Variants in UBC observed in about 807,000 individuals in gnomAD.
UBC encodes ubiquitin C.
UBC carries 8 observed loss-of-function variants against 34.7 expected under a neutral mutation model. The ratio of observed to expected loss-of-function variants is 0.23; its 90% confidence interval spans 0.14 to 0.42. UBC has a LOEUF of 0.42. Among genes scored for constraint, UBC ranks in the 10% least tolerant of loss-of-function variants. The probability of loss-of-function intolerance (pLI) is 1.00; values close to 1 mark genes in which losing one functional copy is unlikely to be tolerated. For synonymous variants in UBC, 367 were observed against 299.8 expected, an observed-to-expected ratio of 1.22 and a Z score of -2.32; for missense variants, 323 against 750.3, an observed-to-expected ratio of 0.43 and a Z score of 6.65.
chr12:124,913,935 C>T, intron 1 of UBC, 161 bp from the exon 2 acceptor site: 1 of 1,126,596 alleles, frequency 8.9e-7, no homozygotes, highest in Non-Finnish European at 1.2e-6. Flanking sequence ...ACCGGAGCTT[C>T]AGCTACTTAA....
rs563873507 is a variant in UBC at position 124,914,007 on chromosome 12, G to A, written c.-3-233C>T. 7.6e-5 allele frequency: 48 copies of A among 629,944 alleles called. 1 individual carries two copies. The Middle Eastern group carries it at 1.3e-3, about 18-fold the overall frequency. The allele number at this position is 629,944 out of a possible 1,614,324, so 39.0% of individuals were successfully genotyped here. ...GCCTCACTTATCCCTCCCCTCACCAGAGGTCCGGCGCCTGTCGATTCAGGA... is the reference window on the plus strand; with the variant it reads ...GCCTCACTTATCCCTCCCCTCACCAAAGGTCCGGCGCCTGTCGATTCAGGA... On this transcript the variant is annotated intron_variant, in intron 1 of 1. Transcript: ENST00000339647.
At chr12:124,913,883 C>T in intron 1 of UBC, 109 bp from the exon 2 acceptor site, 3 of 1,517,520 alleles carry the variant, frequency 2.0e-6, no homozygotes, top group Non-Finnish European at 2.7e-6. Context: ...GCCTAAAAAA[C>T]TTCACAAAAC....
rs747596739 is a variant in UBC, at chr12:124,911,674, A to G, written c.*40T>C. The G allele has an allele frequency of 2.0e-5, 31 of 1,578,652 alleles. No individual in the cohort carries two copies. The highest frequency in any genetic ancestry group is 5.3e-5 in the Admixed American group (3 of 57,054). Reference sequence around the variant, plus strand: ...GGAATGCAACAACTTTATTGAAAGGAAAGTGCAATGAAATTTGTTGAAACC... The same window carrying G: ...GGAATGCAACAACTTTATTGAAAGGGAAGTGCAATGAAATTTGTTGAAACC... On this transcript the variant is annotated 3_prime_UTR_variant, in exon 2 of 2. Coordinates refer to ENST00000339647, the MANE Select transcript of UBC (RefSeq NM_021009.7).
At chr12:124,914,103 G>C (rs751094992) in intron 1 of UBC, 1 of 361,950 alleles carries the variant, frequency 2.8e-6, no homozygotes, top group Non-Finnish European at 5.1e-6. Context: ...CCGGCAGGTG[G>C]CCCCACCCTG....
intron 1 of UBC, 21 bp from the exon 2 acceptor site, chr12:124,913,795 G>A (rs767511620): frequency 4.3e-6 from 7 of 1,612,626 alleles, no homozygotes; most frequent in Admixed American, 3.3e-5. Context: ...AGCCAAAAAC[G>A]GCCAGAATTT....
rs999603953 is a variant in UBC at position 124,913,517 on chromosome 12, A to T, written c.255T>A (p.Thr85=). ...CGACCTCAAGGGTGATGGTCTTGCC[A>T]GTGAGTGTCTTCACGAAGATTTGCA... is the stretch of plus-strand genomic sequence containing the variant. ...GGMQIFVKTL[T]GKTITLEVEP... The change falls in exon 2 of 2, where the codon ACT becomes ACA. Residue 85 remains threonine (T), a synonymous_variant. Coordinates refer to ENST00000339647, the MANE Select transcript of UBC (RefSeq NM_021009.7). 2 of 1,610,706 alleles carry T rather than the reference A, an allele frequency of 1.2e-6. No individual in the cohort carries two copies. Among genetic ancestry groups the T allele is most frequent in the African/African-American group, 2.7e-5 (2 of 74,242 alleles).
rs377686818 is a variant in UBC at position 124,913,286 on chromosome 12, A to G, written c.486T>C (p.Gly162=). Residue 162 remains glycine, a synonymous_variant, in exon 2 of 2, where the codon GGT becomes GGC. Coordinates refer to ENST00000339647, the MANE Select transcript of UBC (RefSeq NM_021009.7). Reference sequence around the variant, plus strand: ...GCTCCACCTCGAGGGTGATGGTCTTACCAGTCAGGGTCTTCACGAAGATCT... The same window carrying G: ...GCTCCACCTCGAGGGTGATGGTCTTGCCAGTCAGGGTCTTCACGAAGATCT... ...GMQIFVKTLT[G]KTITLEVEPS... The G allele has an allele frequency of 1.2e-4, 185 of 1,567,938 alleles. No individual in the cohort carries two copies. The highest frequency in any genetic ancestry group is 8.1e-4 in the African/African-American group (50 of 62,096).
chr12:124,913,573 G>C lies in UBC; in HGVS notation c.199C>G (p.Leu67Val), dbSNP rs758146234. The change falls in exon 2 of 2, where the codon CTG (leucine) becomes GTG (valine). Residue 67 changes from leucine (L) to valine (V), a missense_variant. By Grantham distance (32) the Leu-to-Val change is conservative. Around this residue, in one of 5 missense-constraint regions of UBC, gnomAD observed 202 missense variants for 361.9 expected, o/e 0.56. Coordinates refer to ENST00000339647, the MANE Select transcript of UBC (RefSeq NM_021009.7). ...CCTCTGAGACGGAGCACCAGGTGCA[G>C]GGTGGACTCTTTCTGGATGTTGTAG... Reference protein sequence around the residue: ...SDYNIQKESTLHLVLRLRGGM... With the variant: ...SDYNIQKESTVHLVLRLRGGM... 3.1e-6 allele frequency: 5 copies of C among 1,608,774 alleles called. No homozygotes were observed. The highest frequency in any genetic ancestry group is 4.5e-5 in the East Asian group (2 of 44,646).
In UBC at chr12:124,913,928, G is replaced by T. The variant is rs976082649; in HGVS notation, c.-3-154C>A. Reference sequence around the variant, plus strand: ...AACCCCGAGCGCATAGTTCAAAACCGGAGCTTCAGCTACTTAAGAAGATAG... The same window carrying T: ...AACCCCGAGCGCATAGTTCAAAACCTGAGCTTCAGCTACTTAAGAAGATAG... On this transcript the variant is annotated intron_variant, in intron 1 of 1. Coordinates refer to ENST00000339647, the MANE Select transcript of UBC (RefSeq NM_021009.7). 8 of 1,204,220 alleles carry T rather than the reference G, an allele frequency of 6.6e-6. No homozygotes were observed. In the Admixed American group the frequency reaches 2.2e-4, roughly 33 times the overall value. The allele number at this position is 1,204,220 out of a possible 1,614,324, so 74.6% of individuals were successfully genotyped here.
chr12:124,914,068 CG>C, intron 1 of UBC: 1 of 439,946 alleles, frequency 2.3e-6, no homozygotes, highest in Non-Finnish European at 4.1e-6. Flanking sequence ...CGTCCTGCGA[CG>C]GAGAAAAGCC....
At chr12:124,913,829 A>C in intron 1 of UBC, 55 bp from the exon 2 acceptor site, 2 of 1,592,114 alleles carry the variant, frequency 1.3e-6, no homozygotes, top group Non-Finnish European at 1.7e-6. Flanking sequence ...CTAGTCTAAC[A>C]CTGAAAATTA....
In UBC at chr12:124,913,382, G is replaced by A. The variant is rs1071758; in HGVS notation, c.390C>T (p.Arg130=). The A allele has an allele frequency of 2.6e-5, 41 of 1,597,766 alleles. No individual in the cohort carries two copies. The African/African-American group carries it at 3.4e-4, about 13-fold the overall frequency. The change falls in exon 2 of 2, where the codon CGC becomes CGT. Residue 130 remains arginine, a synonymous_variant. Transcript: ENST00000339647. ...IFAGKQLEDG[R]TLSDYNIQKE... Reference sequence around the variant, plus strand: ...TCTGGATGTTGTAGTCAGACAGGGTGCGCCCATCTTCCAGCTGCTTTCCGG... The same window carrying A: ...TCTGGATGTTGTAGTCAGACAGGGTACGCCCATCTTCCAGCTGCTTTCCGG...
rs974760343 is a variant in UBC, at chr12:124,912,608, C to G, written c.1164G>C (p.Leu388=). 5.0e-6 allele frequency: 8 copies of G among 1,605,934 alleles called. No homozygotes were observed. The highest frequency in any genetic ancestry group is 1.7e-5 in the Admixed American group (1 of 59,166). ...RGGMQIFVKT[L]TGKTITLEVE... The stretch of plus-strand genomic sequence containing the variant: ...CCTCGAGAGTGATGGTCTTACCAGT[C>G]AGGGTCTTCACGAAGATCTGCATCC... Residue 388 remains leucine, a synonymous_variant, in exon 2 of 2, where the codon CTG becomes CTC. Coordinates refer to ENST00000339647, the MANE Select transcript of UBC (RefSeq NM_021009.7).
rs145732562 is a variant in UBC at position 124,914,266 on chromosome 12, G to A, written c.-4+321C>T. The A allele has an allele frequency of 1.3e-3, 241 of 185,350 alleles. 1 individual carries two copies. The highest frequency in any genetic ancestry group is 5.2e-3 in the African/African-American group (216 of 41,928). The allele number at this position is 185,350 out of a possible 1,614,324, so 11.5% of individuals were successfully genotyped here. ...CCAGTCAGTGACAAACTTCACGTCA[G>A]GGTCCCCAGATGGTGCCCCAGCCCA... On this transcript the variant is annotated intron_variant, in intron 1 of 1. Coordinates refer to ENST00000339647, the MANE Select transcript of UBC (RefSeq NM_021009.7).
rs543550918 is a variant in UBC, at chr12:124,912,976, G to A, written c.796C>T (p.Pro266Ser). 2 of 1,611,662 alleles carry A rather than the reference G, an allele frequency of 1.2e-6. No individual in the cohort carries two copies. Among genetic ancestry groups the A allele is most frequent in the East Asian group, 2.2e-5 (1 of 44,552 alleles). Residue 266 changes from proline (P) to serine (S), a missense_variant, in exon 2 of 2, where the codon CCT (proline) becomes TCT (serine). Transcript: ENST00000339647. ...GCAAAGATCAACCTCTGCTGGTCAG[G>A]AGGAATGCCTTCCTTGTCTTGGATC... is the stretch of plus-strand genomic sequence containing the variant. Reference protein sequence around the residue: ...AKIQDKEGIPPDQQRLIFAGK... With the variant: ...AKIQDKEGIPSDQQRLIFAGK...
chr12:124,912,839 G>A lies in UBC; in HGVS notation c.933C>T (p.Thr311=), dbSNP rs146820362. 1.5e-3 allele frequency: 2,481 copies of A among 1,605,850 alleles called. 30 individuals are homozygous for A. In the African/African-American group the frequency reaches 0.027, roughly 18 times the overall value. The change falls in exon 2 of 2, where the codon ACC becomes ACT. Residue 311 remains threonine (T), a synonymous_variant. Coordinates refer to ENST00000339647, the MANE Select transcript of UBC (RefSeq NM_021009.7). ...CGAGAGTGATGGTCTTACCAGTCAG[G>A]GTCTTCACGAAGATCTGCATCCCAC... is the stretch of plus-strand genomic sequence containing the variant. ...LRGGMQIFVK[T]LTGKTITLEV...
rs6657 is a variant in UBC, at chr12:124,911,957, G to C, written c.1815C>G (p.Leu605=). 6.4e-7 allele frequency: 1 copy of C among 1,571,780 alleles called. No individual in the cohort carries two copies. Among genetic ancestry groups the C allele is most frequent in the Non-Finnish European group, 8.6e-7 (1 of 1,159,908 alleles). The change falls in exon 2 of 2, where the codon CTC becomes CTG. Residue 605 remains leucine, a synonymous_variant. Coordinates refer to ENST00000339647, the MANE Select transcript of UBC (RefSeq NM_021009.7). ...TCACGAAGATTTGCATCCCACCTCT[G>C]AGACGGAGCACCAGGTGCAGGGTGG... ...KESTLHLVLR[L]RGGMQIFVKT...
At chr12:124,914,330 C>T (rs566793502) in intron 1 of UBC, 1 of 162,928 alleles carries the variant, frequency 6.1e-6, no homozygotes, top group South Asian at 1.5e-4. Flanking sequence ...TAGCGAAGGC[C>T]TCAAGACCTT....
Position 124,913,777 on chromosome 12 carries a change from A to T in UBC, c.-3-3T>A. 1 of 1,613,644 alleles carries T rather than the reference A, an allele frequency of 6.2e-7. No individual in the cohort carries two copies. Among genetic ancestry groups the T allele is most frequent in the Non-Finnish European group, 8.5e-7 (1 of 1,179,840 alleles). ...GTCTTCACGAAGATCTGCATTGTCTAACAAAAAAGCCAAAAACGGCCAGAA... is the reference window on the plus strand; with the variant it reads ...GTCTTCACGAAGATCTGCATTGTCTTACAAAAAAGCCAAAAACGGCCAGAA... On this transcript the variant is annotated splice_polypyrimidine_tract_variant and splice_region_variant and intron_variant, in intron 1 of 1. Transcript: ENST00000339647.
Sources: allele counts gnomAD v4.1 joint callset, GRCh38; gene constraint gnomAD v4.1.1; regional missense constraint gnomAD v4.1.1; transcripts MANE v1.5; gene names NCBI Gene and HGNC (gene_info 2026-07-23, HGNC 2026-07-21).